RGS3: variants seen among roughly 807,000 people sequenced by gnomAD.
RGS3 encodes the protein regulator of G-protein signalling 3.
A neutral mutation model predicts 132.6 loss-of-function variants in RGS3; 80 were observed. The ratio of observed to expected loss-of-function variants is 0.60; its 90% confidence interval spans 0.50 to 0.73. RGS3 has a LOEUF of 0.73. Among genes scored for constraint, RGS3 ranks in the 30% least tolerant of loss-of-function variants. The probability of loss-of-function intolerance (pLI) is 0.00; values close to 1 mark genes in which losing one functional copy is unlikely to be tolerated. For missense variants in RGS3, 1,382 were observed against 1,530.8 expected (o/e 0.90, Z 1.62); for synonymous variants, 598 against 620.6 (o/e 0.96, Z 0.54).
At position 113,553,452 on chromosome 9, in the gene RGS3, AAAAAAAAATATAT is replaced by A. The variant is rs1390737014; in HGVS notation, c.2037+16536_2037+16548del. ...AGGGAAACTCTGTTTAAAAAAAAAAAAAAAAAAATATATATATATATATATATATATATATATA... is the reference window on the plus strand; with the variant it reads ...AGGGAAACTCTGTTTAAAAAAAAAAAATATATATATATATATATATATATA... On this transcript the variant is annotated intron_variant, in intron 19 of 24. Coordinates refer to ENST00000350696, the Ensembl canonical transcript of RGS3. Among the ~76,000 whole-genome samples, 781 of 108,714 alleles carry A rather than the reference AAAAAAAAATATAT, an allele frequency of 7.2e-3. 14 individuals carry two copies. The highest frequency in any genetic ancestry group is 0.011 in the Non-Finnish European group (579 of 54,596). 71.3% of individuals were successfully genotyped at this position (108,714 alleles called of 152,430 possible).
chr9:113,595,797 C>T (rs1264948590), intron 24 of RGS3, 32 bp downstream of exon 22: 2 of 1,604,752 alleles, frequency 1.2e-6, no homozygotes, highest in South Asian at 1.1e-5. Flanking sequence ...TCCGCTCCTC[C>T]AATCCCCAGG....
intron 18 of RGS3, among the ~76,000 whole-genome samples, chr9:113,534,343 A>G (rs1372443811): frequency 2.0e-5 from 3 of 152,114 alleles, no homozygotes; most frequent in Non-Finnish European, 4.4e-5. Flanking sequence ...ACATTTTCAC[A>G]AGTTGTAATT....
rs1269438450 is a variant in RGS3, at chr9:113,578,342, TAAC to T, written c.2038-5103_2038-5101del. On this transcript the variant is annotated intron_variant, in intron 19 of 24. Transcript: ENST00000350696. ...ATACTCATTAGCTCATTTATTCCTC[TAAC>T]AACATTGTGAGGAGATTCTAGAAAT... Among the ~76,000 whole-genome samples, 3 of 152,318 alleles carry T rather than the reference TAAC, an allele frequency of 2.0e-5. No individual in the cohort carries two copies. In the East Asian group the frequency reaches 5.8e-4, roughly 29 times the overall value.
exon 25 of RGS3, chr9:113,596,823 C>G (rs769779613): frequency 6.2e-7 from 1 of 1,613,700 alleles, no homozygotes; most frequent in Non-Finnish European, 8.5e-7. Context: ...CAGAGCGTCA[C>G]GCGGGGCTGC....
chr9:113,514,579 G>T (rs532732320), exon 15 of RGS3: 6 of 1,614,016 alleles, frequency 3.7e-6, no homozygotes, highest in African/African-American at 1.3e-5. Flanking sequence ...TTGTGAGGCC[G>T]CATGCCACGC....
rs1830832820 is a variant in RGS3, at chr9:113,500,381, T to G, written c.897+2301T>G. 3.9e-5 allele frequency among the ~76,000 whole-genome samples: 6 copies of G among 152,108 alleles called. No individual in the cohort carries two copies. In the South Asian group the frequency reaches 1.2e-3, roughly 31 times the overall value. The stretch of plus-strand genomic sequence containing the variant: ...AACCCTCTGTCATCAAGGACTTGAG[T>G]GTGTGGCTGGGCTTCCCCAGGGGCT... On this transcript the variant is annotated intron_variant, in intron 10 of 24. Transcript: ENST00000350696.
intron 19 of RGS3, among the ~76,000 whole-genome samples, chr9:113,572,816 A>G (rs969276673): frequency 4.6e-5 from 7 of 152,248 alleles, no homozygotes; most frequent in Non-Finnish European, 8.8e-5. Context: ...AGACTGACCC[A>G]GCCTAGGGGC....
chr9:113,536,650 T>A, intron 18 of RGS3, 146 bp from the exon 17 acceptor site: 2 of 1,477,948 alleles, frequency 1.4e-6, no homozygotes, highest in Non-Finnish European at 1.8e-6. Flanking sequence ...TCACTGGGGA[T>A]TAGTGTGCAT....
intron 7 of RGS3, among the ~76,000 whole-genome samples, chr9:113,486,331 A>G (rs1201455904): frequency 6.6e-6 from 1 of 152,254 alleles, no homozygotes; most frequent in African/African-American, 2.4e-5. Flanking sequence ...AGGGCAAAGC[A>G]TGAGCAAAGG....
At chr9:113,581,999 T>TCACTTTCACACAGC (rs1382578834) in intron 19 of RGS3, 1 of 984,870 alleles carries the variant, frequency 1.0e-6, no homozygotes, top group East Asian at 1.1e-4. Context: ...GGCTCCACTT[T>TCACTTTCACACAGC]CACTTTCACA....
At chr9:113,496,593 C>T (rs1472381522) in intron 8 of RGS3, among the ~76,000 whole-genome samples, 18 of 152,016 alleles carry the variant, frequency 1.2e-4, no homozygotes, top group Admixed American at 1.2e-3. Context: ...CTCTGTTGCC[C>T]AGGCTGGAAT....
intron 4 of RGS3, among the ~76,000 whole-genome samples, chr9:113,482,105 A>G (rs1830182924): frequency 1.3e-5 from 2 of 152,088 alleles, no homozygotes; most frequent in African/African-American, 4.8e-5. Flanking sequence ...CAGACGTAAA[A>G]GAAAATAGAA....
At chr9:113,573,139 T>G (rs1231660543) in intron 19 of RGS3, among the ~76,000 whole-genome samples, 2 of 152,192 alleles carry the variant, frequency 1.3e-5, no homozygotes, top group African/African-American at 4.8e-5. Context: ...AAATCGAGCC[T>G]GAATAGGTTA....
intron 4 of RGS3, among the ~76,000 whole-genome samples, chr9:113,481,677 C>T (rs1830161994): frequency 6.6e-6 from 1 of 152,256 alleles, no homozygotes; most frequent in East Asian, 1.9e-4. Flanking sequence ...GTCCCCACTC[C>T]TTCCATTGGT....
chr9:113,463,874 C>A lies in RGS3; in HGVS notation c.415+1673C>A. ...ACCCGGACTTGTCCTTCTACCTCACCACCTTTGGTAAGTGCCCGCTGGGGC... is the reference window on the plus strand; with the variant it reads ...ACCCGGACTTGTCCTTCTACCTCACAACCTTTGGTAAGTGCCCGCTGGGGC... On this transcript the variant is annotated intron_variant, in intron 3 of 24. Coordinates refer to ENST00000350696, the Ensembl canonical transcript of RGS3. This position sits in a 1 kb window ranked among gnomAD's most constrained non-coding sequence, Gnocchi z 4.6. 6.2e-7 allele frequency: 1 copy of A among 1,613,138 alleles called. No homozygotes were observed. Among genetic ancestry groups the A allele is most frequent in the Non-Finnish European group, 8.5e-7 (1 of 1,179,786 alleles).
chr9:113,484,164 A>C, exon 6 of RGS3: 1 of 1,612,244 alleles, frequency 6.2e-7, no homozygotes, highest in Non-Finnish European at 8.5e-7. Context: ...AAGATAGTAG[A>C]CTACGCCACC....
At chr9:113,514,211 G>A (rs975970763) in intron 14 of RGS3, among the ~76,000 whole-genome samples, 7 of 152,204 alleles carry the variant, frequency 4.6e-5, no homozygotes, top group African/African-American at 7.2e-5. Context: ...GGTGCCCAGC[G>A]CTGTGCTAGC....
exon 22 of RGS3, chr9:113,594,458 A>T: frequency 1.9e-6 from 3 of 1,613,746 alleles, no homozygotes; most frequent in African/African-American, 1.3e-5. Context: ...CAAGCTGGGG[A>T]TCTTCAGACG....
chr9:113,467,248 G>C (rs577581091), intron 3 of RGS3, among the ~76,000 whole-genome samples: 5 of 152,180 alleles, frequency 3.3e-5, no homozygotes, highest in Non-Finnish European at 5.9e-5. Flanking sequence ...ATATACCTAG[G>C]AGTAGATTTG....
Sources: gnomAD v4.1 joint callset for allele counts (sites outside exome capture counted in the v4.1 genomes callset) on GRCh38, gnomAD v4.1.1 for gene constraint, Gnocchi (gnomAD v3.1) non-coding constraint, MANE v1.5 for transcripts, NCBI Gene and HGNC (gene_info 2026-07-23, HGNC 2026-07-21) for gene names.